Variants in TBC1D4 observed in about 807,000 individuals in gnomAD.
The protein encoded by TBC1D4 is TBC (Tre-2, BUB2, CDC16) domain-containing protein.
TBC1D4 carries 121 observed loss-of-function variants against 142.5 expected under a neutral mutation model. The observed-to-expected ratio is 0.85, with a 90% CI of 0.73 to 0.99. TBC1D4 has a LOEUF of 0.99. Among genes scored for constraint, TBC1D4 ranks in the 50% least tolerant of loss-of-function variants. TBC1D4 has a pLI of 0.00. For missense variants in TBC1D4, 1,475 were observed against 1,606.6 expected, an observed-to-expected ratio of 0.92 and a Z score of 1.40; for synonymous variants, 630 against 628.2, an observed-to-expected ratio of 1.00 and a Z score of -0.04.
intron 1 of TBC1D4, among the ~76,000 whole-genome samples, chr13:75,428,136 G>A (rs1178715795): frequency 6.6e-6 from 1 of 152,114 alleles, no homozygotes; most frequent in Non-Finnish European, 1.5e-5. Flanking sequence ...TTCATTAAGG[G>A]GGTGCTTCAG....
chr13:75,311,816 T>C (rs1877786790), intron 13 of TBC1D4, among the ~76,000 whole-genome samples: 1 of 152,202 alleles, frequency 6.6e-6, no homozygotes, highest in Admixed American at 6.5e-5. Flanking sequence ...AAAATCTTTG[T>C]GGACAGGTAC....
At chr13:75,399,453 T>C (rs2138341197) in intron 1 of TBC1D4, among the ~76,000 whole-genome samples, 1 of 152,228 alleles carries the variant, frequency 6.6e-6, no homozygotes, top group African/African-American at 2.4e-5. Context: ...CTGTTTTATA[T>C]ATGGGGGGCT....
At chr13:75,430,770 A>T (rs1327562210) in intron 1 of TBC1D4, among the ~76,000 whole-genome samples, 1 of 152,088 alleles carries the variant, frequency 6.6e-6, no homozygotes, top group Non-Finnish European at 1.5e-5. Flanking sequence ...TATCCTGTGT[A>T]ATTAGGGTTC....
At chr13:75,427,634 T>C (rs908057184) in intron 1 of TBC1D4, among the ~76,000 whole-genome samples, 22 of 152,362 alleles carry the variant, frequency 1.4e-4, no homozygotes, top group Admixed American at 1.3e-3. Context: ...TGGCTCCTTC[T>C]GTATTTAGAC....
intron 5 of TBC1D4, among the ~76,000 whole-genome samples, chr13:75,347,808 T>C (rs1207129001): frequency 1.3e-5 from 2 of 152,178 alleles, no homozygotes; most frequent in African/African-American, 4.8e-5. Context: ...CATTCTGCAA[T>C]ATTACAATTA....
At chr13:75,342,300 A>T (rs1880777447) in intron 5 of TBC1D4, among the ~76,000 whole-genome samples, 1 of 152,240 alleles carries the variant, frequency 6.6e-6, no homozygotes. Context: ...AAACTCACAG[A>T]TGATTTAACA....
intron 19 of TBC1D4, 81 bp downstream of exon 19, chr13:75,292,021 G>T: frequency 8.2e-7 from 1 of 1,216,308 alleles, no homozygotes; most frequent in Admixed American, 2.4e-5. Flanking sequence ...GTCAAGCAAA[G>T]CTACATTTTT....
intron 1 of TBC1D4, among the ~76,000 whole-genome samples, chr13:75,462,293 A>G (rs568901104): frequency 5.9e-5 from 9 of 152,320 alleles, no homozygotes; most frequent in Admixed American, 2.0e-4. Flanking sequence ...CAACGTTCTA[A>G]GCCTCACCCC....
chr13:75,365,760 G>A (rs984130278), intron 1 of TBC1D4, among the ~76,000 whole-genome samples: 15 of 152,236 alleles, frequency 9.9e-5, no homozygotes, highest in African/African-American at 3.6e-4. Flanking sequence ...ACTGAGTTGG[G>A]GGGATTTTGT....
intron 1 of TBC1D4, among the ~76,000 whole-genome samples, chr13:75,390,000 GCATGGTGGCTCATGC>G (rs1292739240): frequency 6.6e-6 from 1 of 152,164 alleles, no homozygotes; most frequent in Non-Finnish European, 1.5e-5. Flanking sequence ...AAGAGGCTGG[GCATGGTGGCTCATGC>G]CTGTAATCCA....
intron 1 of TBC1D4, among the ~76,000 whole-genome samples, chr13:75,400,351 T>C (rs1885021002): frequency 6.6e-6 from 1 of 152,312 alleles, no homozygotes; most frequent in East Asian, 1.9e-4. Flanking sequence ...AGTAGCTTCC[T>C]AATATACCCA....
intron 1 of TBC1D4, among the ~76,000 whole-genome samples, chr13:75,455,979 T>G (rs1887719020): frequency 6.6e-6 from 1 of 152,058 alleles, no homozygotes. Context: ...ATATAAATAT[T>G]AATCTGCTAC....
intron 1 of TBC1D4, among the ~76,000 whole-genome samples, chr13:75,408,080 AACCCTGT>A (rs1291871758): frequency 6.6e-6 from 1 of 152,112 alleles, no homozygotes. Context: ...CCCCAGAAAG[AACCCTGT>A]ACCCGTCACC....
At chr13:75,431,537 G>C (rs541927117) in intron 1 of TBC1D4, among the ~76,000 whole-genome samples, 45 of 152,168 alleles carry the variant, frequency 3.0e-4, no homozygotes, top group African/African-American at 1.1e-3. Flanking sequence ...GGGAACTTCA[G>C]CATGAGTAAC....
intron 1 of TBC1D4, among the ~76,000 whole-genome samples, chr13:75,383,301 C>T (rs904670823): frequency 6.6e-6 from 1 of 152,128 alleles, no homozygotes; most frequent in African/African-American, 2.4e-5. Flanking sequence ...CCAGTCTGGG[C>T]AACAGAGTGA....
chr13:75,435,528 A>C (rs1182758615), intron 1 of TBC1D4, among the ~76,000 whole-genome samples: 2 of 152,190 alleles, frequency 1.3e-5, no homozygotes, highest in African/African-American at 2.4e-5. Flanking sequence ...GACAAGCAAC[A>C]ATCTTTAACA....
intron 1 of TBC1D4, among the ~76,000 whole-genome samples, chr13:75,366,560 T>C (rs1387688440): frequency 1.3e-5 from 2 of 152,174 alleles, no homozygotes; most frequent in Non-Finnish European, 2.9e-5. Flanking sequence ...TCTCATTATA[T>C]TTAGAAAAAG....
At chr13:75,355,624 G>A (rs1185730100) in intron 4 of TBC1D4, among the ~76,000 whole-genome samples, 1 of 151,994 alleles carries the variant, frequency 6.6e-6, no homozygotes, top group Non-Finnish European at 1.5e-5. Context: ...GTAGGAGAGG[G>A]GTAGTATTAA....
chr13:75,289,088 T>C lies in TBC1D4; in HGVS notation c.3509A>G (p.Lys1170Arg). ...TTCCACCTCATAGGCATGCAACTGC[T>C]TAGAAATATCCATCTCAAAAACCTG... ...ITQVFEMDIS[K>R]QLHAYEVEYH... is the part of the protein sequence containing the mutation. Residue 1170 changes from lysine (K) to arginine (R), a missense_variant, in exon 20 of 21, where the codon AAG (lysine) becomes AGG (arginine). By Grantham distance (26) the Lys-to-Arg change is conservative. This residue lies in a region of TBC1D4 where 248 missense variants were observed against 338.9 expected (regional missense o/e 0.73). Coordinates refer to ENST00000377636, the MANE Select transcript of TBC1D4 (RefSeq NM_014832.5). The C allele has an allele frequency of 6.2e-7, 1 of 1,613,846 alleles. No individual in the cohort carries two copies. Among genetic ancestry groups the C allele is most frequent in the Non-Finnish European group, 8.5e-7 (1 of 1,179,840 alleles).
Sources: allele counts gnomAD v4.1 joint callset (sites outside exome capture counted in the v4.1 genomes callset), GRCh38; gene constraint gnomAD v4.1.1; regional missense constraint gnomAD v4.1.1; transcripts MANE v1.5; gene names NCBI Gene and HGNC (gene_info 2026-07-23, HGNC 2026-07-21).